Variants in FAM184A observed in about 807,000 individuals in gnomAD.
FAM184A encodes protein FAM184A.
A neutral mutation model predicts 143.8 loss-of-function variants in FAM184A; 99 were observed. The observed-to-expected ratio is 0.69, with a 90% CI of 0.58 to 0.81. The LOEUF (loss-of-function observed/expected upper bound fraction) is 0.81, where lower values mean the gene tolerates loss of function less well. FAM184A is among the 40% of genes least tolerant of loss of function. FAM184A has a pLI of 0.00. For synonymous variants in FAM184A, 427 were observed against 446.4 expected (o/e 0.96, Z 0.55); for missense variants, 1,217 against 1,310.5 (o/e 0.93, Z 1.10).
chr6:119,048,490 C>T (rs1421632030), intron 1 of FAM184A, among the ~76,000 whole-genome samples: 5 of 152,226 alleles, frequency 3.3e-5, no homozygotes, highest in Admixed American at 6.5e-5. Context: ...CCCATAGTCT[C>T]GGGCCAAAAG....
rs149193505 is a variant in FAM184A at position 119,028,575 on chromosome 6, G to A, written c.160-3762C>T. On this transcript the variant is annotated intron_variant, in intron 1 of 17. Transcript: ENST00000338891. ...GTCAAGTTTCCAGATTTCTGAACAC[G>A]TGGAGGTGCTGGGAGGGTGGCATGC... Among the ~76,000 whole-genome samples, 308 of 152,296 alleles carry A rather than the reference G, an allele frequency of 2.0e-3. 3 individuals are homozygous for A. Among genetic ancestry groups the A allele is most frequent in the African/African-American group, 7.1e-3 (293 of 41,560 alleles).
intron 6 of FAM184A, among the ~76,000 whole-genome samples, chr6:119,009,290 G>C (rs1785020469): frequency 6.6e-6 from 1 of 152,150 alleles, no homozygotes; most frequent in South Asian, 2.1e-4. Flanking sequence ...ATCTTGAATT[G>C]TAACTCCCAC....
chr6:119,111,116 G>A (rs1303591149), intron 1 of FAM184A, among the ~76,000 whole-genome samples: 1 of 152,158 alleles, frequency 6.6e-6, no homozygotes, highest in Non-Finnish European at 1.5e-5. Context: ...AAGCATGGAA[G>A]CAACCCAAGT....
intron 1 of FAM184A, among the ~76,000 whole-genome samples, chr6:119,103,992 A>G (rs1241642420): frequency 6.6e-6 from 1 of 151,334 alleles, no homozygotes; most frequent in African/African-American, 2.4e-5. Context: ...GTATTGTGCC[A>G]TATTTTGGAA....
rs1783341623 is a variant in FAM184A at position 118,961,964 on chromosome 6, CT to C, written c.3139-2del. 6.2e-7 allele frequency: 1 copy of C among 1,613,018 alleles called. No individual in the cohort carries two copies. The highest frequency in any genetic ancestry group is 1.1e-5 in the South Asian group (1 of 91,038). On this transcript the variant is annotated splice_acceptor_variant, in intron 16 of 17. Coordinates refer to ENST00000338891, the MANE Select transcript of FAM184A (RefSeq NM_024581.6). LOFTEE classifies it high-confidence loss of function. ...GTGATTTATCATTCTTCTTCTTTTG[CT>C]GCATTAAAAATAATACATGTGAGGA...
chr6:119,071,661 T>C (rs770736117), intron 1 of FAM184A, among the ~76,000 whole-genome samples: 5 of 152,092 alleles, frequency 3.3e-5, no homozygotes, highest in Non-Finnish European at 5.9e-5. Flanking sequence ...TGGTCTCTTA[T>C]TGAATAAGTA....
At chr6:119,022,185 G>A (rs1428523750) in intron 3 of FAM184A, among the ~76,000 whole-genome samples, 1 of 148,362 alleles carries the variant, frequency 6.7e-6, no homozygotes, top group African/African-American at 2.5e-5. Context: ...AGCCTCCTTA[G>A]TAGCTGGAAT....
chr6:118,981,213 G>A (rs1784011394), intron 9 of FAM184A, among the ~76,000 whole-genome samples: 1 of 152,072 alleles, frequency 6.6e-6, no homozygotes, highest in African/African-American at 2.4e-5. Context: ...GTATATGTAT[G>A]TATTATATAC....
intron 9 of FAM184A, among the ~76,000 whole-genome samples, chr6:118,994,330 A>AAAAT (rs140437416): frequency 0.36 from 54,715 of 150,358 alleles, 10,879 homozygotes; most frequent in East Asian, 0.67. Context: ...ACCTCGAGTT[A>AAAAT]AAATAAATAA....
intron 1 of FAM184A, among the ~76,000 whole-genome samples, chr6:119,090,308 TCTCCTTTCA>T (rs1788333983): frequency 1.3e-5 from 2 of 152,222 alleles, no homozygotes; most frequent in Non-Finnish European, 2.9e-5. Flanking sequence ...TTATCTGCTG[TCTCCTTTCA>T]CTCACTGATC....
chr6:118,973,930 A>G (rs1415984809), intron 14 of FAM184A, among the ~76,000 whole-genome samples: 1 of 152,172 alleles, frequency 6.6e-6, no homozygotes, highest in African/African-American at 2.4e-5. Flanking sequence ...ATGTAAGTGG[A>G]GTATATAAAA....
At chr6:119,097,540 T>C (rs1788538814) in intron 1 of FAM184A, among the ~76,000 whole-genome samples, 1 of 152,216 alleles carries the variant, frequency 6.6e-6, no homozygotes, top group Admixed American at 6.5e-5. Flanking sequence ...TACATTTATA[T>C]ATATATAAGT....
At chr6:119,128,883 A>G (rs1789449480) in intron 1 of FAM184A, among the ~76,000 whole-genome samples, 1 of 58,918 alleles carries the variant, frequency 1.7e-5, no homozygotes, top group African/African-American at 6.7e-5. Flanking sequence ...CCCTTCCCTT[A>G]CTAGTTTTTT....
intron 7 of FAM184A, 172 bp downstream of exon 7, chr6:119,006,275 G>T: frequency 1.3e-6 from 1 of 755,260 alleles, no homozygotes; most frequent in East Asian, 2.5e-5. Flanking sequence ...AGCTATGAGA[G>T]AATAAATTTC....
At chr6:119,054,894 T>C (rs1786900448) in intron 1 of FAM184A, among the ~76,000 whole-genome samples, 2 of 152,054 alleles carry the variant, frequency 1.3e-5, no homozygotes, top group Admixed American at 1.3e-4. Context: ...CTTTGAGATA[T>C]AATTTATGTA....
chr6:119,087,173 G>T (rs775657496), intron 1 of FAM184A, among the ~76,000 whole-genome samples: 1 of 152,156 alleles, frequency 6.6e-6, no homozygotes, highest in Non-Finnish European at 1.5e-5. Flanking sequence ...TTAAAATTAG[G>T]ATTGAGATGT....
chr6:119,039,873 A>G (rs1786256092), intron 1 of FAM184A, among the ~76,000 whole-genome samples: 1 of 152,236 alleles, frequency 6.6e-6, no homozygotes, highest in South Asian at 2.1e-4. Flanking sequence ...AGATTAAGAG[A>G]CAAAAATGGC....
At chr6:119,134,360 A>G (rs995336936) in intron 1 of FAM184A, among the ~76,000 whole-genome samples, 1 of 152,176 alleles carries the variant, frequency 6.6e-6, no homozygotes, top group Admixed American at 6.5e-5. Context: ...TCTCCTAAAG[A>G]TATTATTGCA....
At chr6:119,117,809 G>T (rs1476390897) in intron 1 of FAM184A, among the ~76,000 whole-genome samples, 1 of 152,184 alleles carries the variant, frequency 6.6e-6, no homozygotes, top group Admixed American at 6.5e-5. Context: ...TGTAGGACCT[G>T]AAAGTTTAGC....
Sources: gnomAD v4.1 joint callset for allele counts (sites outside exome capture counted in the v4.1 genomes callset) on GRCh38, gnomAD v4.1.1 for gene constraint, MANE v1.5 for transcripts, NCBI Gene and HGNC (gene_info 2026-07-23, HGNC 2026-07-21) for gene names.